The following LYRM4 variants were observed in gnomAD, a reference collection of about 807,000 sequenced individuals.
The protein encoded by LYRM4 is LYR motif containing 4, also known as LYR motif-containing protein 4.
A neutral mutation model predicts 11.7 loss-of-function variants in LYRM4; 9 were observed. That is an observed-to-expected ratio of 0.77 (90% confidence interval 0.46 to 1.34). The LOEUF is 1.34. LYRM4 is among the 40% of genes most tolerant of loss of function. LYRM4 has a pLI of 0.00. For synonymous variants in LYRM4, 42 were observed against 40.4 expected, an observed-to-expected ratio of 1.04 and a Z score of -0.15; for missense variants, 133 against 112.5, an observed-to-expected ratio of 1.18 and a Z score of -0.82.
the LYRM4 span, among the ~76,000 whole-genome samples, chr6:5,079,204 A>G: frequency 6.6e-6 from 1 of 152,210 alleles, no homozygotes; most frequent in African/African-American, 2.4e-5. Context: ...GATGTAATAA[A>G]ACAAAGGAAA....
At chr6:5,040,726 A>G in the LYRM4 span, among the ~76,000 whole-genome samples, 16 of 152,326 alleles carry the variant, frequency 1.1e-4, no homozygotes, top group African/African-American at 3.1e-4. Context: ...ATTATTATAC[A>G]TTATATGAAT....
chr6:5,252,200 T>C (rs1764464684), intron 1 of LYRM4, among the ~76,000 whole-genome samples: 1 of 152,150 alleles, frequency 6.6e-6, no homozygotes, highest in African/African-American at 2.4e-5. Context: ...TTTCTACAGA[T>C]TTTGCAGGCT....
At chr6:5,250,339 C>A (rs1239961713) in intron 1 of LYRM4, among the ~76,000 whole-genome samples, 2 of 152,106 alleles carry the variant, frequency 1.3e-5, no homozygotes, top group Non-Finnish European at 2.9e-5. Context: ...GATCTAATAA[C>A]TTTTTAACAC....
chr6:5,171,440 T>C (rs1341298763), intron 2 of LYRM4, among the ~76,000 whole-genome samples: 1 of 152,182 alleles, frequency 6.6e-6, no homozygotes, highest in East Asian at 1.9e-4. Context: ...TGGCCTCCAG[T>C]TTATACCTCT....
chr6:5,144,162 T>A, intron 2 of LYRM4: 1 of 1,536,684 alleles, frequency 6.5e-7, no homozygotes, highest in South Asian at 1.2e-5. Flanking sequence ...AGAGCAAACG[T>A]CTGTCAGGTG....
intron 1 of LYRM4, among the ~76,000 whole-genome samples, chr6:5,250,883 A>C (rs1229300519): frequency 1.3e-5 from 2 of 152,254 alleles, no homozygotes; most frequent in East Asian, 3.8e-4. Flanking sequence ...CATAGAGAGC[A>C]AAACTCTTAT....
chr6:5,052,703 G>C, the LYRM4 span, among the ~76,000 whole-genome samples: 7 of 152,136 alleles, frequency 4.6e-5, no homozygotes, highest in African/African-American at 1.4e-4. Context: ...CCACTGAACT[G>C]TACACTGAAA....
the LYRM4 span, among the ~76,000 whole-genome samples, chr6:5,079,136 A>G: frequency 1.1e-4 from 17 of 152,172 alleles, no homozygotes; most frequent in Non-Finnish European, 1.2e-4. Flanking sequence ...AGAAATAAAA[A>G]CCCAAAGAAG....
At chr6:5,184,326 C>T (rs949881065) in intron 2 of LYRM4, among the ~76,000 whole-genome samples, 8 of 152,164 alleles carry the variant, frequency 5.3e-5, no homozygotes, top group African/African-American at 1.4e-4. Flanking sequence ...ACTGGATAAC[C>T]TCTCTTCCTT....
chr6:5,180,388 T>G (rs1049935374), intron 2 of LYRM4, among the ~76,000 whole-genome samples: 8 of 152,190 alleles, frequency 5.3e-5, no homozygotes, highest in African/African-American at 1.9e-4. Flanking sequence ...TCAGTCTGCA[T>G]TTTTAGGCTC....
intron 2 of LYRM4, among the ~76,000 whole-genome samples, chr6:5,131,363 C>T (rs1027284911): frequency 7.5e-4 from 114 of 152,206 alleles, no homozygotes; most frequent in African/African-American, 2.7e-3. Flanking sequence ...ATACAATGGA[C>T]AAACTAAATA....
intron 2 of LYRM4, chr6:5,187,001 G>A (rs1258558618): frequency 5.8e-6 from 5 of 864,432 alleles, no homozygotes; most frequent in East Asian, 1.2e-4. Context: ...AAAAAAAATT[G>A]TCTATAAAAG....
chr6:5,044,557 C>G, the LYRM4 span, among the ~76,000 whole-genome samples: 1 of 152,226 alleles, frequency 6.6e-6, no homozygotes, highest in African/African-American at 2.4e-5. Context: ...GTGGAGCTTC[C>G]CTCTGACGTG....
chr6:5,145,863 C>A (rs1757692110), intron 2 of LYRM4, among the ~76,000 whole-genome samples: 1 of 152,140 alleles, frequency 6.6e-6, no homozygotes, highest in Non-Finnish European at 1.5e-5. Flanking sequence ...GCCTTTAAAT[C>A]CCCTCTAGAG....
At chr6:5,193,866 A>T (rs1465000626) in intron 2 of LYRM4, among the ~76,000 whole-genome samples, 18 of 151,342 alleles carry the variant, frequency 1.2e-4, no homozygotes, top group Non-Finnish European at 1.6e-4. Context: ...CAGAAAAAGG[A>T]CATATAGTAC....
At chr6:5,258,696 A>G (rs1202201274) in intron 1 of LYRM4, among the ~76,000 whole-genome samples, 1 of 152,258 alleles carries the variant, frequency 6.6e-6, no homozygotes, top group Non-Finnish European at 1.5e-5. Context: ...ACAGTATAAA[A>G]TGATTATCAG....
At chr6:5,160,508 T>C (rs932478079) in intron 2 of LYRM4, among the ~76,000 whole-genome samples, 1 of 152,118 alleles carries the variant, frequency 6.6e-6, no homozygotes. Flanking sequence ...CTGATATTTT[T>C]ATAATATCAG....
At chr6:5,209,086 C>T (rs1761854692) in intron 2 of LYRM4, among the ~76,000 whole-genome samples, 1 of 152,060 alleles carries the variant, frequency 6.6e-6, no homozygotes, top group Non-Finnish European at 1.5e-5. Flanking sequence ...TTTATTATTA[C>T]TTTTTATTTT....
the LYRM4 span, among the ~76,000 whole-genome samples, chr6:5,037,828 C>T: frequency 2.1e-4 from 13 of 61,144 alleles, no homozygotes; most frequent in African/African-American, 4.8e-4. Flanking sequence ...ACCCCCCCTC[C>T]CCCCTCCCGG....
Sources: allele counts gnomAD v4.1 joint callset (sites outside exome capture counted in the v4.1 genomes callset), GRCh38; gene constraint gnomAD v4.1.1; transcripts MANE v1.5; gene names NCBI Gene and HGNC (gene_info 2026-07-23, HGNC 2026-07-21).